The following LDAH variants were observed in gnomAD, a reference collection of about 807,000 sequenced individuals.
LDAH encodes lipid droplet associated hydrolase, also known as lipid droplet-associated hydrolase.
Under a neutral mutation model 29.6 loss-of-function variants are expected in LDAH, and 26 were observed. That is an observed-to-expected ratio of 0.88 (90% CI 0.64 to 1.22). LDAH has a LOEUF of 1.22. LDAH is among the 50% of genes most tolerant of loss of function. The probability of loss-of-function intolerance (pLI) is 0.00; values close to 1 mark genes in which losing one functional copy is unlikely to be tolerated. For synonymous variants in LDAH, 117 were observed against 133.0 expected (o/e 0.88, Z 0.83); for missense variants, 344 against 387.3 (o/e 0.89, Z 0.94).
chr2:20,685,713 T>G lies in LDAH; in HGVS notation c.*1190A>C. The G allele has an allele frequency of 6.6e-7, 1 of 1,520,308 alleles. No homozygotes were observed. The highest frequency in any genetic ancestry group is 1.2e-5 in the South Asian group (1 of 80,228). The allele number at this position is 1,520,308 out of a possible 1,614,324, so 94.2% of individuals were successfully genotyped here. ...GATCAACTGTCACTGCAGTATGTGG[T>G]TCTCAAGATTGAGTCAATTTAGGGG... is the stretch of plus-strand genomic sequence containing the variant. On this transcript the variant is annotated 3_prime_UTR_variant, in exon 7 of 7. Coordinates refer to ENST00000237822, the MANE Select transcript of LDAH (RefSeq NM_021925.4).
chr2:20,815,957 G>T (rs990102648), intron 1 of LDAH, among the ~76,000 whole-genome samples: 8 of 152,030 alleles, frequency 5.3e-5, no homozygotes, highest in African/African-American at 1.9e-4. Context: ...GGTGTTCAAG[G>T]TGTATAGAGA....
chr2:20,816,439 C>T (rs1216652366), intron 1 of LDAH, among the ~76,000 whole-genome samples: 3 of 152,016 alleles, frequency 2.0e-5, no homozygotes, highest in Non-Finnish European at 4.4e-5. Flanking sequence ...AAAAGATATG[C>T]CATACTAACT....
intron 4 of LDAH, among the ~76,000 whole-genome samples, chr2:20,750,321 C>T (rs1013019528): frequency 2.6e-5 from 4 of 152,130 alleles, no homozygotes; most frequent in Non-Finnish European, 5.9e-5. Flanking sequence ...CCACTGTGCC[C>T]GGGCTGCCTT....
intron 5 of LDAH, among the ~76,000 whole-genome samples, chr2:20,732,424 C>T (rs1374535041): frequency 6.6e-6 from 1 of 152,050 alleles, no homozygotes; most frequent in Non-Finnish European, 1.5e-5. Context: ...GATGTGTTCC[C>T]TCCTATTTTC....
intron 4 of LDAH, among the ~76,000 whole-genome samples, chr2:20,758,140 C>T (rs1668458277): frequency 6.6e-6 from 1 of 152,112 alleles, no homozygotes; most frequent in Non-Finnish European, 1.5e-5. Context: ...GGAATGCAAC[C>T]ACATGAGACT....
At chr2:20,702,033 G>A (rs1038426723) in intron 5 of LDAH, among the ~76,000 whole-genome samples, 2 of 150,410 alleles carry the variant, frequency 1.3e-5, no homozygotes, top group South Asian at 2.1e-4. Flanking sequence ...AATGCAAACA[G>A]TTACTAACAT....
chr2:20,796,243 T>C (rs979114641), intron 2 of LDAH, among the ~76,000 whole-genome samples: 1 of 152,114 alleles, frequency 6.6e-6, no homozygotes, highest in Non-Finnish European at 1.5e-5. Flanking sequence ...GTCACTCTTC[T>C]CTAACACCAC....
chr2:20,731,009 CTG>C (rs1666363961), intron 5 of LDAH, among the ~76,000 whole-genome samples: 1 of 152,200 alleles, frequency 6.6e-6, no homozygotes, highest in Admixed American at 6.5e-5. Flanking sequence ...TTTTACAAAA[CTG>C]TCTTAGTAAT....
chr2:20,818,286 A>C (rs1054983550), intron 1 of LDAH, among the ~76,000 whole-genome samples: 1 of 152,126 alleles, frequency 6.6e-6, no homozygotes, highest in Non-Finnish European at 1.5e-5. Flanking sequence ...AAAGGTTTTT[A>C]AAAAAGTTAT....
At chr2:20,733,478 C>A (rs562310864) in intron 5 of LDAH, among the ~76,000 whole-genome samples, 182 of 150,586 alleles carry the variant, frequency 1.2e-3, no homozygotes, top group Non-Finnish European at 2.3e-3. Context: ...CGGCTCACTG[C>A]AGCCTTGACT....
intron 6 of LDAH, among the ~76,000 whole-genome samples, chr2:20,690,048 T>C (rs1396267326): frequency 6.6e-6 from 1 of 152,254 alleles, no homozygotes; most frequent in Non-Finnish European, 1.5e-5. Context: ...ATGAAGAACG[T>C]ACCATTTACT....
chr2:20,815,116 A>C (rs1375572356), intron 1 of LDAH, among the ~76,000 whole-genome samples: 1 of 152,156 alleles, frequency 6.6e-6, no homozygotes, highest in Non-Finnish European at 1.5e-5. Context: ...AGAACCAAAA[A>C]TAATTACAAA....
At chr2:20,694,525 T>G in intron 6 of LDAH, among the ~76,000 whole-genome samples, 1 of 152,310 alleles carries the variant, frequency 6.6e-6, no homozygotes, top group South Asian at 2.1e-4. Flanking sequence ...GGGACTTCAG[T>G]TTTTCCAGTT....
intron 5 of LDAH, among the ~76,000 whole-genome samples, chr2:20,704,892 G>C (rs1664196522): frequency 6.6e-6 from 1 of 151,978 alleles, no homozygotes; most frequent in Admixed American, 6.6e-5. Flanking sequence ...CATTTATTCT[G>C]TCCCTCCCCC....
At chr2:20,711,536 T>G (rs1473887294) in intron 5 of LDAH, among the ~76,000 whole-genome samples, 1 of 152,110 alleles carries the variant, frequency 6.6e-6, no homozygotes, top group Non-Finnish European at 1.5e-5. Context: ...TGGGACTGGT[T>G]GGACAGTGGG....
intron 6 of LDAH, among the ~76,000 whole-genome samples, chr2:20,696,398 T>A (rs1477068702): frequency 6.6e-6 from 1 of 152,188 alleles, no homozygotes; most frequent in East Asian, 1.9e-4. Flanking sequence ...AGCCCTGGCC[T>A]GGCCCTCTGG....
chr2:20,710,556 TGACTCACCCCG>T (rs1436618538), intron 5 of LDAH, among the ~76,000 whole-genome samples: 2 of 149,246 alleles, frequency 1.3e-5, no homozygotes, highest in African/African-American at 4.9e-5. Flanking sequence ...ACTATATATA[TGACTCACCCCG>T]GACTATATAT....
rs547538124 is a variant in LDAH at position 20,816,738 on chromosome 2, G to A, written c.-3+6299C>T. ...TCAATGAACAGGACATAACTGACAT[G>A]TATAGAACACTGCAACCAATAATAA... is the stretch of plus-strand genomic sequence containing the variant. On this transcript the variant is annotated intron_variant, in intron 1 of 6. Coordinates refer to ENST00000237822, the MANE Select transcript of LDAH (RefSeq NM_021925.4). Among the ~76,000 whole-genome samples the A allele has an allele frequency of 9.9e-5, 15 of 152,038 alleles. No individual in the cohort carries two copies. The East Asian group carries it at 2.1e-3, about 22-fold the overall frequency.
At chr2:20,787,153 TA>T (rs1383325220) in intron 3 of LDAH, among the ~76,000 whole-genome samples, 16 of 152,342 alleles carry the variant, frequency 1.1e-4, no homozygotes, top group African/African-American at 2.9e-4. Context: ...GTATTCTACA[TA>T]AACGGCACTA....
Sources: gnomAD v4.1 joint callset for allele counts (sites outside exome capture counted in the v4.1 genomes callset) on GRCh38, gnomAD v4.1.1 for gene constraint, MANE v1.5 for transcripts, NCBI Gene and HGNC (gene_info 2026-07-23, HGNC 2026-07-21) for gene names.